Variants in DCLK1 observed in about 807,000 individuals in gnomAD.
DCLK1 encodes serine/threonine-protein kinase DCLK1.
Under a neutral mutation model 86.2 loss-of-function variants are expected in DCLK1, and 16 were observed. The observed-to-expected ratio is 0.19, with a 90% confidence interval of 0.13 to 0.28. The LOEUF is 0.28. Among genes scored for constraint, DCLK1 ranks in the 10% least tolerant of loss-of-function variants. DCLK1 has a pLI of 1.00. For missense variants in DCLK1, 590 were observed against 940.2 expected (o/e 0.63, Z 4.87); for synonymous variants, 369 against 370.5 (o/e 1.00, Z 0.05).
chr13:35,822,999 G>T, intron 10 of DCLK1, 124 bp from the exon 11 acceptor site: 1 of 1,135,428 alleles, frequency 8.8e-7, no homozygotes. Context: ...GTTCCTAAAG[G>T]CTTTTCCTGC....
At chr13:35,882,156 C>T (rs145439937) in intron 4 of DCLK1, among the ~76,000 whole-genome samples, 3 of 152,126 alleles carry the variant, frequency 2.0e-5, no homozygotes, top group Non-Finnish European at 4.4e-5. Context: ...CGTTCCTTGT[C>T]GCTTATAGTT....
chr13:35,807,702 A>G (rs1402918275), intron 14 of DCLK1, among the ~76,000 whole-genome samples: 1 of 152,242 alleles, frequency 6.6e-6, no homozygotes, highest in Non-Finnish European at 1.5e-5. Flanking sequence ...ATTTATATCT[A>G]TCTTTTTTTG....
chr13:35,802,925 C>T (rs1302559577), intron 15 of DCLK1, among the ~76,000 whole-genome samples: 2 of 152,102 alleles, frequency 1.3e-5, no homozygotes, highest in South Asian at 2.1e-4. Flanking sequence ...TCTTCCTCCC[C>T]GCACAGCTAA....
chr13:36,064,653 G>A (rs542068225), intron 3 of DCLK1, among the ~76,000 whole-genome samples: 5 of 116,532 alleles, frequency 4.3e-5, no homozygotes, highest in East Asian at 4.3e-4. Context: ...GTGAGACTCC[G>A]TCTATTAAAA....
At chr13:36,061,394 C>T (rs1372711055) in intron 3 of DCLK1, among the ~76,000 whole-genome samples, 1 of 152,064 alleles carries the variant, frequency 6.6e-6, no homozygotes, top group African/African-American at 2.4e-5. Context: ...ACTCCCTTTT[C>T]TAAAATTAGA....
intron 5 of DCLK1, among the ~76,000 whole-genome samples, chr13:35,863,358 C>T (rs1223826892): frequency 6.6e-6 from 1 of 152,218 alleles, no homozygotes; most frequent in African/African-American, 2.4e-5. Context: ...ACAGTAGATA[C>T]TCAGGAAATA....
chr13:35,871,372 T>C, intron 4 of DCLK1, 32 bp from the exon 5 acceptor site: 1 of 1,542,590 alleles, frequency 6.5e-7, no homozygotes, highest in Non-Finnish European at 9.0e-7. Flanking sequence ...CACATCATTA[T>C]GGGGTAATGG....
At chr13:36,003,777 G>C (rs528934584) in intron 3 of DCLK1, among the ~76,000 whole-genome samples, 1 of 152,028 alleles carries the variant, frequency 6.6e-6, no homozygotes, top group Non-Finnish European at 1.5e-5. Context: ...AGAGATATAC[G>C]GCCATCCTGA....
At chr13:35,827,507 T>G in intron 10 of DCLK1, 128 bp downstream of exon 10, 1 of 1,154,676 alleles carries the variant, frequency 8.7e-7, no homozygotes, top group South Asian at 1.5e-5. Context: ...TGAACATTCC[T>G]AATCACTGGG....
intron 3 of DCLK1, among the ~76,000 whole-genome samples, chr13:35,959,380 C>T (rs1296129090): frequency 6.6e-6 from 1 of 152,032 alleles, no homozygotes; most frequent in African/African-American, 2.4e-5. Context: ...GCAAACAGGG[C>T]GATCACTGGC....
Position 35,823,846 on chromosome 13 carries a change from C to T in DCLK1, c.1408-971G>A, listed in dbSNP as rs145471865. Among the ~76,000 whole-genome samples, 618 of 152,352 alleles carry T rather than the reference C, an allele frequency of 4.1e-3. 2 individuals carry two copies. Among genetic ancestry groups the T allele is most frequent in the African/African-American group, 0.014 (582 of 41,584 alleles). On this transcript the variant is annotated intron_variant, in intron 10 of 16. Transcript: ENST00000360631. ...CCCTGTAGGCTGATGATTTTCAAAT[C>T]TGCCTCTCGGGCCTGGGCCCTCTGT...
intron 1 of DCLK1, among the ~76,000 whole-genome samples, chr13:36,129,871 G>A (rs1593916598): frequency 6.6e-6 from 1 of 152,172 alleles, no homozygotes; most frequent in Non-Finnish European, 1.5e-5. Flanking sequence ...TGTTCTCGGT[G>A]GGATTTCTCA....
chr13:36,037,455 A>G (rs568532655), intron 3 of DCLK1, among the ~76,000 whole-genome samples: 2 of 81,240 alleles, frequency 2.5e-5, no homozygotes, highest in South Asian at 6.1e-4. Context: ...CGATTACCCT[A>G]ATGTGACCTT....
At chr13:35,811,067 G>T in intron 11 of DCLK1, 99 bp from the exon 12 acceptor site, 1 of 1,469,126 alleles carries the variant, frequency 6.8e-7, no homozygotes, top group South Asian at 1.2e-5. Flanking sequence ...TAATGTATAG[G>T]AGGTAAAAAA....
intron 11 of DCLK1, among the ~76,000 whole-genome samples, chr13:35,815,378 G>C (rs147858196): frequency 1.4e-3 from 217 of 152,266 alleles, no homozygotes; most frequent in African/African-American, 4.8e-3. Context: ...CCCATAATAT[G>C]GCACTAAAAG....
chr13:36,109,111 A>T (rs1885516664), intron 3 of DCLK1, among the ~76,000 whole-genome samples: 1 of 152,184 alleles, frequency 6.6e-6, no homozygotes, highest in South Asian at 2.1e-4. Context: ...CTCACTGGGA[A>T]CCCAACGAAT....
intron 6 of DCLK1, chr13:35,850,846 C>A (rs1257687777): frequency 9.5e-6 from 13 of 1,365,752 alleles, no homozygotes; most frequent in Admixed American, 5.0e-5. Flanking sequence ...CTCGTGAGAG[C>A]AGCACTGAAT....
chr13:35,870,018 A>G (rs1872155250), intron 5 of DCLK1, among the ~76,000 whole-genome samples: 1 of 152,160 alleles, frequency 6.6e-6, no homozygotes, highest in Non-Finnish European at 1.5e-5. Flanking sequence ...GCAATGCCTC[A>G]TTTTAGGGCT....
At chr13:36,064,358 T>A (rs1471765827) in intron 3 of DCLK1, among the ~76,000 whole-genome samples, 4 of 152,102 alleles carry the variant, frequency 2.6e-5, no homozygotes, top group African/African-American at 9.7e-5. Context: ...TTAACTTTAG[T>A]CCATAAGAAA....
Sources: allele counts gnomAD v4.1 joint callset (sites outside exome capture counted in the v4.1 genomes callset), GRCh38; gene constraint gnomAD v4.1.1; transcripts MANE v1.5; gene names NCBI Gene and HGNC (gene_info 2026-07-23, HGNC 2026-07-21).